HAL: variants seen among roughly 807,000 people sequenced by gnomAD.
The protein encoded by HAL is histidase.
A neutral mutation model predicts 81.1 loss-of-function variants in HAL; 85 were observed. The ratio of observed to expected loss-of-function variants is 1.05; its 90% CI spans 0.88 to 1.25. The LOEUF is 1.25. HAL is among the 50% of genes most tolerant of loss of function. HAL has a pLI of 0.00. For missense variants in HAL, 798 were observed against 836.6 expected, an observed-to-expected ratio of 0.95 and a Z score of 0.57; for synonymous variants, 301 against 309.2, an observed-to-expected ratio of 0.97 and a Z score of 0.28.
At position 95,977,947 on chromosome 12, in the gene HAL, G is replaced by T. The variant is rs1322809486; in HGVS notation, c.1651C>A (p.Gln551Lys). The change falls in exon 18 of 21, where the codon CAA becomes AAA. Residue 551 changes from glutamine to lysine, a missense_variant. By Grantham distance (53) the Gln-to-Lys change is moderately conservative. Transcript: ENST00000261208. ...ACCCCGAACTCATCAGCATTACCTT[G>T]CTCCACATGCTCGATGACCCTGAGG... is the stretch of plus-strand genomic sequence containing the variant. ...KALRVIEHVEQVLAIELLAAC... is the reference protein window; with the variant it reads ...KALRVIEHVEKVLAIELLAAC... The T allele has an allele frequency of 6.2e-7, 1 of 1,614,104 alleles. No individual in the cohort carries two copies. The highest frequency in any genetic ancestry group is 8.5e-7 in the Non-Finnish European group (1 of 1,179,980).
intron 12 of HAL, 85 bp downstream of exon 12, chr12:95,986,982 C>A (rs1443020339): frequency 1.5e-5 from 17 of 1,165,602 alleles, no homozygotes; most frequent in Non-Finnish European, 2.1e-5. Flanking sequence ...CTGCCCCCAC[C>A]ACTTCTGTGT....
chr12:95,994,215 A>ACC (rs780513955), intron 4 of HAL, 51 bp from the exon 5 acceptor site: 1 of 1,261,478 alleles, frequency 7.9e-7, no homozygotes, highest in Non-Finnish European at 1.2e-6. Flanking sequence ...GATTATTCTA[A>ACC]CCAGAGTAGG....
intron 10 of HAL, 195 bp downstream of exon 10, chr12:95,990,198 G>C (rs1008317398): frequency 1.5e-4 from 99 of 645,826 alleles, no homozygotes; most frequent in Admixed American, 1.2e-3. Flanking sequence ...CCAGAAGGCT[G>C]ACAGCCGAGT....
In HAL at chr12:95,992,538, A is replaced by T. The variant is rs1219866868; in HGVS notation, c.715+142T>A. ...TCCTCTTCCCCCATCTAACTATCCT[A>T]CTTTTTGCCAACGGCATTTCCCACT... is the stretch of plus-strand genomic sequence containing the variant. On this transcript the variant is annotated intron_variant, in intron 9 of 20. Coordinates refer to ENST00000261208, the MANE Select transcript of HAL (RefSeq NM_002108.4). 7 of 705,448 alleles carry T rather than the reference A, an allele frequency of 9.9e-6. No individual in the cohort carries two copies. In the African/African-American group the frequency reaches 1.1e-4, roughly 11 times the overall value. 43.7% of individuals were successfully genotyped at this position (705,448 alleles called of 1,614,324 possible). A position where few individuals can be genotyped will look rare whatever the true frequency, so the allele number is the denominator to read the frequency against.
At chr12:95,978,351 C>G (rs1449041332) in intron 17 of HAL, among the ~76,000 whole-genome samples, 1 of 152,032 alleles carries the variant, frequency 6.6e-6, no homozygotes, top group African/African-American at 2.4e-5. Context: ...AGATGACAAC[C>G]TGGGAAGCAT....
intron 18 of HAL, among the ~76,000 whole-genome samples, chr12:95,976,914 G>A (rs1167621470): frequency 3.9e-5 from 6 of 152,144 alleles, no homozygotes; most frequent in African/African-American, 1.4e-4. Flanking sequence ...CTGAGAAGGG[G>A]AGAATTGAGA....
rs140239683 is a variant in HAL, at chr12:95,992,787, C to T, written c.608G>A (p.Ser203Asn). 73 of 1,613,256 alleles carry T rather than the reference C, an allele frequency of 4.5e-5. 1 individual carries two copies. In the African/African-American group the frequency reaches 9.1e-4, roughly 20 times the overall value. Reference sequence around the variant, plus strand: ...CAAGAGCATCCGACACCTCTCAGGACTTAGTGGTTTCCCAACACCTGCAAA... The same window carrying T: ...CAAGAGCATCCGACACCTCTCAGGATTTAGTGGTTTCCCAACACCTGCAAA... ...SHSSGVGKPLSPERCRMLLAL... is the reference protein window; with the variant it reads ...SHSSGVGKPLNPERCRMLLAL... The change falls in exon 9 of 21, where the codon AGT becomes AAT. Residue 203 changes from serine to asparagine, a missense_variant. Ser to Asn is a conservative substitution (Grantham distance 46). Transcript: ENST00000261208.
chr12:95,984,462 C>A (rs935179581), intron 14 of HAL, among the ~76,000 whole-genome samples: 9 of 152,306 alleles, frequency 5.9e-5, no homozygotes, highest in African/African-American at 1.9e-4. Context: ...TTATCCAAGG[C>A]GGTAAAGTTC....
At chr12:95,978,116 C>T (rs4762659) in intron 17 of HAL, 38 bp from the exon 18 acceptor site, 1,280,108 of 1,585,802 alleles carry the variant, frequency 0.81, 519,668 homozygotes, top group African/African-American at 0.96. Flanking sequence ...GTGCTCCTCA[C>T]AGGATGAGCT....
At chr12:95,988,889 A>G (rs1949931524) in intron 10 of HAL, among the ~76,000 whole-genome samples, 1 of 152,220 alleles carries the variant, frequency 6.6e-6, no homozygotes, top group Non-Finnish European at 1.5e-5. Context: ...GGGGAAGTTA[A>G]GGTAAGAGAA....
chr12:95,981,379 A>G (rs1212720524), intron 15 of HAL, among the ~76,000 whole-genome samples: 2 of 152,258 alleles, frequency 1.3e-5, no homozygotes, highest in African/African-American at 4.8e-5. Flanking sequence ...GTCAGCGTTC[A>G]ACAGCAGATG....
In HAL at chr12:95,987,228, G is replaced by A; in HGVS notation, c.904-14C>T. The A allele has an allele frequency of 6.2e-7, 1 of 1,611,448 alleles. No individual in the cohort carries two copies. Among genetic ancestry groups the A allele is most frequent in the Non-Finnish European group, 8.5e-7 (1 of 1,177,574 alleles). ...GAGTGCCAGGCCCTGTCGGGGGAGA[G>A]AGCAAAGTTTCCTACTGTGATTATT... On this transcript the variant is annotated splice_polypyrimidine_tract_variant and intron_variant, in intron 11 of 20. Coordinates refer to ENST00000261208, the MANE Select transcript of HAL (RefSeq NM_002108.4).
chr12:95,973,140 G>A lies in HAL; in HGVS notation c.*1092C>T, dbSNP rs938040552. 6.6e-6 allele frequency: 1 copy of A among 152,218 alleles called. No homozygotes were observed. The highest frequency in any genetic ancestry group is 1.5e-5 in the Non-Finnish European group (1 of 68,056). The allele number at this position is 152,218 out of a possible 1,614,324, so 9.4% of individuals were successfully genotyped here. ...TCTGTCCTCCTCTCCACCAGCTGTG[G>A]TTTTTAGAGCCACGGTTTCAGACCA... On this transcript the variant is annotated 3_prime_UTR_variant, in exon 21 of 21. Transcript: ENST00000261208.
At chr12:95,976,737 A>T (rs776265338) in intron 18 of HAL, 31 bp from the exon 19 acceptor site, 1 of 1,391,072 alleles carries the variant, frequency 7.2e-7, no homozygotes, top group South Asian at 1.2e-5. Context: ...AGGGTAGCTT[A>T]TGAAAGTCTG....
chr12:95,993,287 C>T (rs544364694), intron 8 of HAL, among the ~76,000 whole-genome samples, 164 bp downstream of exon 8: 1 of 152,280 alleles, frequency 6.6e-6, no homozygotes, highest in East Asian at 1.9e-4. Context: ...TTTTCTGAGG[C>T]TCAGCTGATT....
At chr12:95,986,044 C>T (rs1433572148) in intron 13 of HAL, 21 bp downstream of exon 13, 4 of 1,577,752 alleles carry the variant, frequency 2.5e-6, no homozygotes, top group Middle Eastern at 1.7e-4. Flanking sequence ...AAATAGGTCA[C>T]TCCCATAAAC....
At chr12:95,990,652 GGC>G in intron 9 of HAL, 120 bp from the exon 10 acceptor site, 3 of 802,970 alleles carry the variant, frequency 3.7e-6, no homozygotes, top group Non-Finnish European at 6.6e-6. Context: ...ATCACTTTAT[GGC>G]ATAGATACCT....
chr12:95,995,901 A>G lies in HAL; in HGVS notation c.10T>C (p.Tyr4His). 6.2e-7 allele frequency: 1 copy of G among 1,604,342 alleles called. No homozygotes were observed. Among genetic ancestry groups the G allele is most frequent in the South Asian group, 1.1e-5 (1 of 91,066 alleles). MPR[Y>H]TVHVRGEWLA... ...CATTCCCCACGTACGTGCACCGTGT[A>G]TCTGGGCATGGCTCCGCTGCAGCCT... is the stretch of plus-strand genomic sequence containing the variant. The change falls in exon 2 of 21, where the codon TAC (tyrosine) becomes CAC (histidine). Residue 4 changes from tyrosine (Y) to histidine (H), a missense_variant. Tyr to His is a moderately conservative substitution (Grantham distance 83). Coordinates refer to ENST00000261208, the MANE Select transcript of HAL (RefSeq NM_002108.4).
chr12:95,989,934 A>G (rs565734418), intron 10 of HAL: 1 of 235,902 alleles, frequency 4.2e-6, no homozygotes, highest in East Asian at 1.0e-4. Flanking sequence ...TGAAGAAAAC[A>G]CCAAAGCTTT....
Sources: gnomAD v4.1 joint callset for allele counts (sites outside exome capture counted in the v4.1 genomes callset) on GRCh38, gnomAD v4.1.1 for gene constraint, MANE v1.5 for transcripts, NCBI Gene and HGNC (gene_info 2026-07-23, HGNC 2026-07-21) for gene names.